ERBB4: variants seen among roughly 807,000 people sequenced by gnomAD.
ERBB4 encodes the protein erb-b2 receptor tyrosine kinase 4.
Under a neutral mutation model 158.0 loss-of-function variants are expected in ERBB4, and 42 were observed. The observed-to-expected ratio is 0.27, with a 90% CI of 0.21 to 0.34. The LOEUF is 0.34. Among genes scored for constraint, ERBB4 ranks in the 10% least tolerant of loss-of-function variants. The pLI is 1.00. For missense variants in ERBB4, 1,333 were observed against 1,624.1 expected, an observed-to-expected ratio of 0.82 and a Z score of 3.08; for synonymous variants, 583 against 558.7, an observed-to-expected ratio of 1.04 and a Z score of -0.61.
intron 1 of ERBB4, among the ~76,000 whole-genome samples, chr2:212,283,637 G>T (rs1001234067): frequency 6.6e-6 from 1 of 151,832 alleles, no homozygotes; most frequent in African/African-American, 2.4e-5. Flanking sequence ...TGCTGAATTT[G>T]AGGTTAAAAA....
At chr2:211,602,090 T>C (rs1574839724) in intron 19 of ERBB4, among the ~76,000 whole-genome samples, 2 of 151,912 alleles carry the variant, frequency 1.3e-5, no homozygotes, top group Admixed American at 6.6e-5. Flanking sequence ...CTGGCACAGG[T>C]TTGGGAGTGG....
chr2:211,503,769 T>C (rs2065675376), intron 20 of ERBB4, among the ~76,000 whole-genome samples: 2 of 152,002 alleles, frequency 1.3e-5, no homozygotes, highest in Admixed American at 1.3e-4. Flanking sequence ...ACTCTTTCCC[T>C]GAGAAGGCTC....
chr2:211,554,397 A>G (rs2067182699), intron 20 of ERBB4, among the ~76,000 whole-genome samples: 1 of 152,202 alleles, frequency 6.6e-6, no homozygotes, highest in Non-Finnish European at 1.5e-5. Context: ...TACACACTTG[A>G]TCTACATGGA....
chr2:211,685,147 A>G (rs1206131688), intron 12 of ERBB4, among the ~76,000 whole-genome samples: 2 of 152,304 alleles, frequency 1.3e-5, no homozygotes, highest in East Asian at 3.9e-4. Flanking sequence ...AGTTGAATTT[A>G]TCATTTTGTT....
At chr2:211,593,782 C>T (rs940460200) in intron 19 of ERBB4, among the ~76,000 whole-genome samples, 3 of 152,108 alleles carry the variant, frequency 2.0e-5, no homozygotes, top group East Asian at 1.9e-4. Flanking sequence ...AAGACTTATC[C>T]GAGAGCGCTG....
intron 1 of ERBB4, among the ~76,000 whole-genome samples, chr2:212,510,199 C>G (rs908712332): frequency 9.3e-6 from 1 of 107,312 alleles, no homozygotes; most frequent in Admixed American, 9.4e-5. Flanking sequence ...CCATCCTAAC[C>G]ACACAGTATA....
chr2:211,895,600 C>G (rs2079077308), intron 3 of ERBB4, among the ~76,000 whole-genome samples: 1 of 152,112 alleles, frequency 6.6e-6, no homozygotes, highest in African/African-American at 2.4e-5. Flanking sequence ...CCTCTATGGA[C>G]TCTTTAGACA....
chr2:212,059,355 G>A (rs2077685288), intron 2 of ERBB4, among the ~76,000 whole-genome samples: 1 of 152,156 alleles, frequency 6.6e-6, no homozygotes, highest in Non-Finnish European at 1.5e-5. Context: ...TTATGAAAAT[G>A]GCCATATTGC....
At chr2:211,955,992 C>A (rs1205271531) in intron 2 of ERBB4, among the ~76,000 whole-genome samples, 9 of 150,854 alleles carry the variant, frequency 6.0e-5, no homozygotes, top group African/African-American at 2.2e-4. Context: ...ATACATATTT[C>A]AAAAAATTCA....
chr2:211,619,752 C>T (rs905715421), intron 18 of ERBB4, among the ~76,000 whole-genome samples: 1 of 151,984 alleles, frequency 6.6e-6, no homozygotes, highest in African/African-American at 2.4e-5. Context: ...ATTAAAAAAG[C>T]ATATTCTCAT....
chr2:212,523,499 T>C (rs1418971683), intron 1 of ERBB4, among the ~76,000 whole-genome samples: 2 of 151,976 alleles, frequency 1.3e-5, no homozygotes, highest in Non-Finnish European at 2.9e-5. Flanking sequence ...GATAATATAA[T>C]GGATCAGAAG....
chr2:212,531,003 T>C (rs532541160), intron 1 of ERBB4, among the ~76,000 whole-genome samples: 45 of 152,320 alleles, frequency 3.0e-4, no homozygotes, highest in Admixed American at 2.6e-3. Context: ...ATCTTGCATA[T>C]TCCTATTGGT....
chr2:211,467,682 A>T (rs1376772890), intron 20 of ERBB4, among the ~76,000 whole-genome samples: 1 of 152,178 alleles, frequency 6.6e-6, no homozygotes, highest in Non-Finnish European at 1.5e-5. Flanking sequence ...ATTCATTAGC[A>T]TGCTACATAT....
chr2:211,487,190 C>T (rs1340364996), intron 20 of ERBB4, among the ~76,000 whole-genome samples: 2 of 137,616 alleles, frequency 1.5e-5, no homozygotes, highest in Non-Finnish European at 3.1e-5. Context: ...TGTTCCCCTT[C>T]CTGTGTCCAA....
chr2:211,932,132 T>C (rs1329231578), intron 3 of ERBB4, among the ~76,000 whole-genome samples: 1 of 152,056 alleles, frequency 6.6e-6, no homozygotes, highest in Admixed American at 6.6e-5. Context: ...TTTTATAATC[T>C]AGAAATATGC....
At chr2:211,776,765 A>C (rs2075886347) in intron 4 of ERBB4, among the ~76,000 whole-genome samples, 1 of 152,186 alleles carries the variant, frequency 6.6e-6, no homozygotes, top group Non-Finnish European at 1.5e-5. Context: ...TCATAATTTG[A>C]ATATGGTTGA....
intron 1 of ERBB4, among the ~76,000 whole-genome samples, chr2:212,328,850 GA>G (rs1385036033): frequency 6.6e-6 from 1 of 151,890 alleles, no homozygotes. Context: ...TTTGGTTTTT[GA>G]TTCTAATGTG....
chr2:211,997,696 C>T (rs1222878979), intron 2 of ERBB4, among the ~76,000 whole-genome samples: 3 of 151,980 alleles, frequency 2.0e-5, no homozygotes, highest in Non-Finnish European at 4.4e-5. Context: ...TCCCCTCTGT[C>T]CTTTACTGAA....
intron 1 of ERBB4, among the ~76,000 whole-genome samples, chr2:212,268,414 T>C (rs2085227875): frequency 1.3e-5 from 2 of 151,936 alleles, no homozygotes; most frequent in Admixed American, 6.6e-5. Context: ...TGTGCTGTGC[T>C]AACATGCTTT....
Sources: gnomAD v4.1 joint callset for allele counts (sites outside exome capture counted in the v4.1 genomes callset) on GRCh38, gnomAD v4.1.1 for gene constraint, MANE v1.5 for transcripts, NCBI Gene and HGNC (gene_info 2026-07-23, HGNC 2026-07-21) for gene names.